Variants in TMEM131L observed in about 807,000 individuals in gnomAD.
The protein encoded by TMEM131L is transmembrane protein 131-like.
TMEM131L carries 54 observed loss-of-function variants against 192.2 expected under a neutral mutation model. That is an observed-to-expected ratio of 0.28 (90% CI 0.23 to 0.35). The LOEUF (loss-of-function observed/expected upper bound fraction) is 0.35, where lower values mean the gene tolerates loss of function less well. Among genes scored for constraint, TMEM131L ranks in the 10% least tolerant of loss-of-function variants. The probability of loss-of-function intolerance (pLI) is 1.00; values close to 1 mark genes in which losing one functional copy is unlikely to be tolerated. For missense variants in TMEM131L, 1,888 were observed against 1,972.9 expected (o/e 0.96, Z 0.82); for synonymous variants, 701 against 704.9 (o/e 0.99, Z 0.09).
At chr4:153,625,674 G>A (rs1469256366) in intron 29 of TMEM131L, among the ~76,000 whole-genome samples, 1 of 151,912 alleles carries the variant, frequency 6.6e-6, no homozygotes, top group Non-Finnish European at 1.5e-5. Flanking sequence ...TTGGGAGGCC[G>A]AGGCAGGTGG....
chr4:153,515,886 G>T (rs544926245), intron 3 of TMEM131L, among the ~76,000 whole-genome samples: 1 of 151,452 alleles, frequency 6.6e-6, no homozygotes, highest in African/African-American at 2.4e-5. Flanking sequence ...ATTCTTTGGA[G>T]AAATGTCTGT....
In TMEM131L at chr4:153,635,473, G is replaced by A; in HGVS notation, c.4459G>A (p.Val1487Ile). 2 of 1,613,958 alleles carry A rather than the reference G, an allele frequency of 1.2e-6. No individual in the cohort carries two copies. The highest frequency in any genetic ancestry group is 1.7e-6 in the Non-Finnish European group (2 of 1,179,794). Residue 1487 changes from valine to isoleucine, a missense_variant, in exon 34 of 35, where the codon GTT (valine) becomes ATT (isoleucine). By Grantham distance (29) the Val-to-Ile change is conservative. Transcript: ENST00000409959. The part of the protein sequence containing the change: ...YANGFPCPAD[V>I]QTDFIDHNSQ... ...CAATGGCTTCCCCTGTCCTGCAGAT[G>A]TTCAGACAGACTTTATTGATCACAA...
chr4:153,523,379 A>G (rs1260136034), intron 3 of TMEM131L, among the ~76,000 whole-genome samples: 1 of 152,238 alleles, frequency 6.6e-6, no homozygotes, highest in African/African-American at 2.4e-5. Context: ...GCCTTAAGCT[A>G]GCAGAGGGGA....
chr4:153,568,925 C>T (rs907027404), intron 7 of TMEM131L, among the ~76,000 whole-genome samples: 1 of 152,174 alleles, frequency 6.6e-6, no homozygotes, highest in East Asian at 1.9e-4. Flanking sequence ...TTACTAACTC[C>T]TTCTCCCCTA....
intron 1 of TMEM131L, 110 bp from the exon 2 acceptor site, chr4:153,467,101 A>G: frequency 9.4e-7 from 1 of 1,067,664 alleles, no homozygotes; most frequent in Non-Finnish European, 1.4e-6. Context: ...CCAGGAGGAA[A>G]AAGAGACGTG....
intron 3 of TMEM131L, among the ~76,000 whole-genome samples, chr4:153,484,123 T>A (rs1037714303): frequency 1.3e-5 from 2 of 152,192 alleles, no homozygotes; most frequent in Non-Finnish European, 2.9e-5. Context: ...TGGGAGCTTG[T>A]TACTTGTTTT....
At chr4:153,562,712 C>A (rs542946006) in intron 7 of TMEM131L, among the ~76,000 whole-genome samples, 1 of 152,268 alleles carries the variant, frequency 6.6e-6, no homozygotes, top group South Asian at 2.1e-4. Flanking sequence ...GAAAGTATAT[C>A]TGATAGAAAG....
chr4:153,510,745 G>A (rs10021357), intron 3 of TMEM131L, among the ~76,000 whole-genome samples: 5 of 152,012 alleles, frequency 3.3e-5, no homozygotes, highest in Admixed American at 2.0e-4. Context: ...AGCTGGACGC[G>A]GTGGCACGTG....
chr4:153,548,943 G>T lies in TMEM131L; in HGVS notation c.240-1130G>T, dbSNP rs553860555. On this transcript the variant is annotated intron_variant, in intron 3 of 34. Coordinates refer to ENST00000409959, the MANE Select transcript of TMEM131L (RefSeq NM_001131007.2). ...TGGCTGCTCGGTGGGAGGAGAAAAT[G>T]GAAAGATTCTATTTACTTATTTATT... Among the ~76,000 whole-genome samples the T allele has an allele frequency of 7.2e-5, 11 of 152,062 alleles. No individual in the cohort carries two copies. In the South Asian group the frequency reaches 2.3e-3, roughly 32 times the overall value.
At position 153,603,394 on chromosome 4, in the gene TMEM131L, A is replaced by T; in HGVS notation, c.2731A>T (p.Ser911Cys). 6.2e-7 allele frequency: 1 copy of T among 1,614,068 alleles called. No individual in the cohort carries two copies. The highest frequency in any genetic ancestry group is 1.6e-4 in the Middle Eastern group (1 of 6,062). The change falls in exon 24 of 35, where the codon AGC becomes TGC. Residue 911 changes from serine (S) to cysteine (C), a missense_variant. By Grantham distance (112) the Ser-to-Cys change is moderately radical. Coordinates refer to ENST00000409959, the MANE Select transcript of TMEM131L (RefSeq NM_001131007.2). The part of the protein sequence containing the change: ...FMKTRQRQNA[S>C]SSSQQNNGPM... ...GAAAACAAGACAGAGGCAAAATGCTAGCTCCTCTTCACAGCAAAACAATGG... is the reference window on the plus strand; with the variant it reads ...GAAAACAAGACAGAGGCAAAATGCTTGCTCCTCTTCACAGCAAAACAATGG...
intron 3 of TMEM131L, among the ~76,000 whole-genome samples, chr4:153,534,552 G>C (rs926486761): frequency 2.6e-5 from 4 of 152,124 alleles, no homozygotes; most frequent in Non-Finnish European, 4.4e-5. Context: ...TCCTGCCTCA[G>C]CCTCCCTAGT....
chr4:153,533,184 C>T (rs1454352856), intron 3 of TMEM131L, among the ~76,000 whole-genome samples: 1 of 152,044 alleles, frequency 6.6e-6, no homozygotes, highest in African/African-American at 2.4e-5. Flanking sequence ...GGGGTTTCTC[C>T]ATGTTGGTCA....
intron 3 of TMEM131L, among the ~76,000 whole-genome samples, chr4:153,536,365 A>T (rs1052965474): frequency 6.6e-6 from 1 of 152,230 alleles, no homozygotes; most frequent in South Asian, 2.1e-4. Context: ...AAAACTCTTC[A>T]TGTATGATTT....
At chr4:153,495,497 T>C (rs779145964) in intron 3 of TMEM131L, among the ~76,000 whole-genome samples, 7 of 152,086 alleles carry the variant, frequency 4.6e-5, no homozygotes, top group Non-Finnish European at 1.0e-4. Flanking sequence ...TTCCAGGTCA[T>C]AGGTGGGTAA....
chr4:153,491,047 C>G (rs1304148764), intron 3 of TMEM131L, among the ~76,000 whole-genome samples: 1 of 151,906 alleles, frequency 6.6e-6, no homozygotes, highest in Non-Finnish European at 1.5e-5. Context: ...TAGGTATTGT[C>G]CGTGTCGAAG....
At chr4:153,627,905 C>A (rs1413004317) in intron 31 of TMEM131L, among the ~76,000 whole-genome samples, 3 of 152,170 alleles carry the variant, frequency 2.0e-5, no homozygotes, top group Admixed American at 6.5e-5. Context: ...AATAGTGAGC[C>A]CCCTCCCTAC....
chr4:153,581,395 T>G lies in TMEM131L; in HGVS notation c.739-12T>G. ...TTTTTTTTTCCTTTTTTCCTCCTCC[T>G]TCCAACCATAGGGTTGTTATCTGGA... On this transcript the variant is annotated splice_polypyrimidine_tract_variant and intron_variant, in intron 8 of 34. Transcript: ENST00000409959. 1 of 1,519,032 alleles carries G rather than the reference T, an allele frequency of 6.6e-7. No individual in the cohort carries two copies. Among genetic ancestry groups the G allele is most frequent in the Non-Finnish European group, 8.8e-7 (1 of 1,130,526 alleles). The allele number at this position is 1,519,032 out of a possible 1,614,324, so 94.1% of individuals were successfully genotyped here.
intron 7 of TMEM131L, among the ~76,000 whole-genome samples, chr4:153,571,514 A>G (rs1729587006): frequency 6.6e-6 from 1 of 152,130 alleles, no homozygotes; most frequent in African/African-American, 2.4e-5. Flanking sequence ...ATTTAAGTGT[A>G]TTTCTTCACA....
rs142123999 is a variant in TMEM131L, at chr4:153,480,493, C to T, written c.239+6605C>T. ...TGAGATCGCGCAACTGCACTCCAGC[C>T]TGGGTGACGGCAAGACTCCATCTCA... On this transcript the variant is annotated intron_variant, in intron 3 of 34. Coordinates refer to ENST00000409959, the MANE Select transcript of TMEM131L (RefSeq NM_001131007.2). Among the ~76,000 whole-genome samples, 48 of 130,816 alleles carry T rather than the reference C, an allele frequency of 3.7e-4. No individual in the cohort carries two copies. The East Asian group carries it at 9.8e-3, about 27-fold the overall frequency. The allele number at this position is 130,816 out of a possible 152,430, so 85.8% of individuals were successfully genotyped here. A position where few individuals can be genotyped will look rare whatever the true frequency, so the allele number is the denominator to read the frequency against.
Sources: gnomAD v4.1 joint callset for allele counts (sites outside exome capture counted in the v4.1 genomes callset) on GRCh38, gnomAD v4.1.1 for gene constraint, MANE v1.5 for transcripts, NCBI Gene and HGNC (gene_info 2026-07-23, HGNC 2026-07-21) for gene names.